The following ANKRD55 variants were observed in gnomAD, a reference collection of about 807,000 sequenced individuals.
ANKRD55 encodes ankyrin repeat domain 55.
ANKRD55 carries 41 observed loss-of-function variants against 60.6 expected under a neutral mutation model. The ratio of observed to expected loss-of-function variants is 0.68; its 90% CI spans 0.53 to 0.88. The LOEUF is 0.88. Ranked by LOEUF, ANKRD55 falls within the 40% of genes least tolerant of loss-of-function variation. The pLI is 0.00. For synonymous variants in ANKRD55, 264 were observed against 290.3 expected, an observed-to-expected ratio of 0.91 and a Z score of 0.92; for missense variants, 732 against 767.6, an observed-to-expected ratio of 0.95 and a Z score of 0.55.
At chr5:56,178,213 G>A (rs982433330) in intron 3 of ANKRD55, among the ~76,000 whole-genome samples, 1 of 147,430 alleles carries the variant, frequency 6.8e-6, no homozygotes, top group Non-Finnish European at 1.5e-5. Context: ...TTTTTGAGAC[G>A]GCATCTTGCT....
chr5:56,109,630 AC>A (rs1244993686), intron 10 of ANKRD55, among the ~76,000 whole-genome samples: 1 of 151,656 alleles, frequency 6.6e-6, no homozygotes, highest in African/African-American at 2.4e-5. Flanking sequence ...GAGTCACTGT[AC>A]CCAGCCTATG....
chr5:56,176,801 A>G (rs757298801), intron 3 of ANKRD55, among the ~76,000 whole-genome samples: 5 of 152,218 alleles, frequency 3.3e-5, no homozygotes, highest in Non-Finnish European at 7.3e-5. Flanking sequence ...CAAGGCATTT[A>G]GTTTTTTATG....
chr5:56,165,475 T>C (rs2111802532), intron 5 of ANKRD55, among the ~76,000 whole-genome samples: 1 of 152,314 alleles, frequency 6.6e-6, no homozygotes, highest in South Asian at 2.1e-4. Context: ...ATCATCATCA[T>C]TGATGACCAT....
chr5:56,220,199 AG>A (rs1171286294), intron 2 of ANKRD55, among the ~76,000 whole-genome samples: 1 of 152,224 alleles, frequency 6.6e-6, no homozygotes, highest in Non-Finnish European at 1.5e-5. Flanking sequence ...CCCCTCCCCC[AG>A]GACAGTTGGG....
At chr5:56,174,232 C>A (rs1758686490) in intron 4 of ANKRD55, among the ~76,000 whole-genome samples, 1 of 152,140 alleles carries the variant, frequency 6.6e-6, no homozygotes, top group African/African-American at 2.4e-5. Flanking sequence ...CATTATTCAC[C>A]GTGATTTAGA....
At chr5:56,206,165 T>TGG (rs141251083) in intron 2 of ANKRD55, among the ~76,000 whole-genome samples, 4,942 of 151,854 alleles carry the variant, frequency 0.033, 90 homozygotes, top group Middle Eastern at 0.054. Context: ...TTAGTAGACA[T>TGG]GGGGCTTCAC....
intron 7 of ANKRD55, chr5:56,136,946 C>G (rs758150499): frequency 2.0e-4 from 95 of 476,874 alleles, no homozygotes; most frequent in Non-Finnish European, 3.5e-5. Flanking sequence ...AGGAGATGCT[C>G]TTTCCCTAAG....
chr5:56,165,762 T>C (rs1341025624), intron 5 of ANKRD55, among the ~76,000 whole-genome samples: 1 of 152,080 alleles, frequency 6.6e-6, no homozygotes, highest in Non-Finnish European at 1.5e-5. Context: ...AAACCCCATC[T>C]CTACTAAAAA....
At chr5:56,176,542 CTG>C (rs1159844971) in intron 3 of ANKRD55, among the ~76,000 whole-genome samples, 1 of 152,104 alleles carries the variant, frequency 6.6e-6, no homozygotes, top group East Asian at 1.9e-4. Flanking sequence ...TTGCTTATGA[CTG>C]TGTCAGGGAT....
chr5:56,182,252 A>G (rs571643344), intron 3 of ANKRD55, among the ~76,000 whole-genome samples: 2 of 152,282 alleles, frequency 1.3e-5, no homozygotes, highest in African/African-American at 4.8e-5. Context: ...TTTTAAAATT[A>G]TGAAGTCAAT....
intron 3 of ANKRD55, among the ~76,000 whole-genome samples, chr5:56,180,711 T>C (rs1395008650): frequency 6.6e-6 from 1 of 152,230 alleles, no homozygotes; most frequent in Non-Finnish European, 1.5e-5. Flanking sequence ...TGAGTGATTT[T>C]AAATGGTATT....
chr5:56,173,736 G>T (rs1758675099), intron 4 of ANKRD55, among the ~76,000 whole-genome samples: 1 of 151,360 alleles, frequency 6.6e-6, no homozygotes. Context: ...TAGAGACAGG[G>T]TTTCTCCATG....
intron 8 of ANKRD55, among the ~76,000 whole-genome samples, chr5:56,122,689 G>A (rs1213054625): frequency 1.3e-5 from 2 of 151,642 alleles, no homozygotes; most frequent in Non-Finnish European, 2.9e-5. Context: ...ACTATATTTT[G>A]GATTAAGTAC....
rs1554042915 is a variant in ANKRD55, at chr5:56,199,104, C to CAAACAAACAAA, written c.59-15471_59-15470insTTTGTTTGTTT. On this transcript the variant is annotated intron_variant, in intron 2 of 11. Coordinates refer to ENST00000341048, the MANE Select transcript of ANKRD55 (RefSeq NM_024669.3). ...CAAAACAAACAAACAAACAAACAAA[C>CAAACAAACAAA]CCAAAAAAACCCAAACACGTGTTTA... Among the ~76,000 whole-genome samples the CAAACAAACAAA allele has an allele frequency of 4.0e-5, 6 of 148,682 alleles. No individual in the cohort carries two copies. In the South Asian group the frequency reaches 1.1e-3, roughly 27 times the overall value.
rs1561264012 is a variant in ANKRD55, at chr5:56,135,298, T to TCTTG, written c.613-8193_613-8192insCAAG. ...TCCCTCCCTGCCTGCCTGCTTGCTT[T>TCTTG]CTTTCTTTCTTTCTTTCTTTCTTTC... On this transcript the variant is annotated intron_variant, in intron 7 of 11. Coordinates refer to ENST00000341048, the MANE Select transcript of ANKRD55 (RefSeq NM_024669.3). 9.4e-3 allele frequency among the ~76,000 whole-genome samples: 292 copies of TCTTG among 31,040 alleles called. 10 individuals carry two copies. The highest frequency in any genetic ancestry group is 0.073 in the Admixed American group (213 of 2,932). The allele number at this position is 31,040 out of a possible 152,430, so 20.4% of individuals were successfully genotyped here.
intron 5 of ANKRD55, among the ~76,000 whole-genome samples, chr5:56,166,158 T>TTTCTTTCTTCTTCTTTCC: frequency 1.4e-5 from 1 of 72,460 alleles, no homozygotes; most frequent in South Asian, 4.5e-4. Flanking sequence ...TTCTTTCTTC[T>TTTCTTTCTTCTTCTTTCC]TTCCTTCCTT....
At chr5:56,197,902 C>T (rs1759264290) in intron 2 of ANKRD55, among the ~76,000 whole-genome samples, 1 of 152,148 alleles carries the variant, frequency 6.6e-6, no homozygotes, top group Non-Finnish European at 1.5e-5. Flanking sequence ...ACTGTCAAAC[C>T]ATAGTTATTA....
chr5:56,214,136 C>A (rs1201886362), intron 2 of ANKRD55, among the ~76,000 whole-genome samples: 1 of 152,180 alleles, frequency 6.6e-6, no homozygotes, highest in Non-Finnish European at 1.5e-5. Context: ...GGGAAACCAC[C>A]CCCATGATTC....
intron 2 of ANKRD55, among the ~76,000 whole-genome samples, chr5:56,194,197 TC>T (rs760564183): frequency 6.6e-6 from 1 of 151,546 alleles, no homozygotes; most frequent in Non-Finnish European, 1.5e-5. Context: ...GCACCTGTAG[TC>T]CCAGCTACTT....
Sources: gnomAD v4.1 joint callset for allele counts (sites outside exome capture counted in the v4.1 genomes callset) on GRCh38, gnomAD v4.1.1 for gene constraint, MANE v1.5 for transcripts, NCBI Gene and HGNC (gene_info 2026-07-23, HGNC 2026-07-21) for gene names.